Variants in AP4M1 observed in about 807,000 individuals in gnomAD.
AP4M1 encodes adaptor related protein complex 4 subunit mu 1.
AP4M1 carries 58 observed loss-of-function variants against 62.4 expected under a neutral mutation model. That is an observed-to-expected ratio of 0.93 (90% CI 0.75 to 1.16). The LOEUF is 1.16. AP4M1 is among the 50% of genes most tolerant of loss of function. The probability of loss-of-function intolerance (pLI) is 0.00; values close to 1 mark genes in which losing one functional copy is unlikely to be tolerated. For synonymous variants in AP4M1, 290 were observed against 239.7 expected, an observed-to-expected ratio of 1.21 and a Z score of -1.94; for missense variants, 626 against 585.4, an observed-to-expected ratio of 1.07 and a Z score of -0.72.
intron 11 of AP4M1, 83 bp downstream of exon 11, chr7:100,105,622 G>A (rs990666465): frequency 2.0e-5 from 27 of 1,370,950 alleles, no homozygotes; most frequent in Middle Eastern, 3.8e-4. Flanking sequence ...GCAGAGTGGG[G>A]GTGGTGGTAG....
At position 100,105,988 on chromosome 7, in the gene AP4M1, A is replaced by G; in HGVS notation, c.959A>G (p.Asp320Gly). Residue 320 changes from aspartate to glycine, a missense_variant, in exon 12 of 15, where the codon GAC becomes GGC. Asp to Gly is a moderately conservative substitution (Grantham distance 94, BLOSUM62 -1). Transcript: ENST00000359593. The stretch of plus-strand genomic sequence containing the variant: ...CAGGTTTATCTAAAGTTGCGATGTG[A>G]CCTGCTCTCAAAGAGGTAAGAGTGA... ...RLQVYLKLRC[D>G]LLSKSQALNV... 1 of 1,614,066 alleles carries G rather than the reference A, an allele frequency of 6.2e-7. No individual in the cohort carries two copies. Among genetic ancestry groups the G allele is most frequent in the African/African-American group, 1.3e-5 (1 of 75,008 alleles).
At chr7:100,101,998 C>A (rs1309266773) in intron 2 of AP4M1, 30 bp downstream of exon 2, 3 of 1,611,634 alleles carry the variant, frequency 1.9e-6, no homozygotes, top group South Asian at 1.1e-5. Context: ...GGGTGAGGAG[C>A]GGGGTCCCGT....
intron 7 of AP4M1, 36 bp downstream of exon 7, chr7:100,104,190 G>C: frequency 1.3e-6 from 2 of 1,589,508 alleles, no homozygotes; most frequent in Non-Finnish European, 1.7e-6. Flanking sequence ...GCTGAGGACA[G>C]ATGGGACTTG....
chr7:100,100,797 T>A, upstream of AP4M1: 2 of 994,988 alleles, frequency 2.0e-6, no homozygotes, highest in Non-Finnish European at 2.4e-6. Context: ...CGGCTCCACT[T>A]CCGCTCGGAG....
chr7:100,108,307 G>A lies in AP4M1; in HGVS notation c.*1425G>A. On this transcript the variant is annotated 3_prime_UTR_variant, in exon 15 of 15. Coordinates refer to ENST00000359593, the MANE Select transcript of AP4M1 (RefSeq NM_004722.4). ...CACATGTGGCTGTGTGCAAGTGCCT[G>A]TCCCACACAGGGGTTCTCCTCTGCT... is the stretch of plus-strand genomic sequence containing the variant. 2.0e-6 allele frequency: 3 copies of A among 1,537,194 alleles called. No individual in the cohort carries two copies. The highest frequency in any genetic ancestry group is 2.6e-6 in the Non-Finnish European group (3 of 1,143,618).
Position 100,106,233 on chromosome 7 carries a change from C to T in AP4M1, c.975-8C>T, listed in dbSNP as rs374419146. The T allele has an allele frequency of 1.4e-5, 22 of 1,614,028 alleles. No homozygotes were observed. The African/African-American group carries it at 2.9e-4, about 22-fold the overall frequency. ...CTGGGGCTGACTTTGTTCCCGTCTCCTCTGTAGCCAAGCCCTCAATGTCAG... is the reference window on the plus strand; with the variant it reads ...CTGGGGCTGACTTTGTTCCCGTCTCTTCTGTAGCCAAGCCCTCAATGTCAG... On this transcript the variant is annotated splice_polypyrimidine_tract_variant and splice_region_variant and intron_variant, in intron 12 of 14. Transcript: ENST00000359593.
rs769502788 is a variant in AP4M1 at position 100,105,263 on chromosome 7, G to C, written c.751G>C (p.Asp251His). Residue 251 changes from aspartate to histidine, a missense_variant, in exon 10 of 15, where the codon GAT (aspartate) becomes CAT (histidine). Coordinates refer to ENST00000359593, the MANE Select transcript of AP4M1 (RefSeq NM_004722.4). ...LRGYGPGIRV[D>H]EVSFHSSVNL... ...AGGTTATGGGCCAGGAATCCGGGTC[G>C]ATGAAGTCTCGTTTCACAGCTCTGT... 1 of 1,614,152 alleles carries C rather than the reference G, an allele frequency of 6.2e-7. No homozygotes were observed. The highest frequency in any genetic ancestry group is 8.5e-7 in the Non-Finnish European group (1 of 1,180,040).
chr7:100,106,792 C>G lies in AP4M1; in HGVS notation c.1272C>G (p.Leu424=). The G allele has an allele frequency of 6.2e-7, 1 of 1,614,098 alleles. No homozygotes were observed. The highest frequency in any genetic ancestry group is 8.5e-7 in the Non-Finnish European group (1 of 1,180,042). Residue 424 remains leucine (L), a synonymous_variant, in exon 15 of 15, where the codon CTC becomes CTG. Coordinates refer to ENST00000359593, the MANE Select transcript of AP4M1 (RefSeq NM_004722.4). ...HTCSGLQVRF[L]RLAFRPCGNA... is the part of the protein sequence containing the mutation. Reference sequence around the variant, plus strand: ...GCTCTGGCCTCCAGGTCCGATTCCTCAGGCTGGCCTTCAGGCCATGCGGCA... The same window carrying G: ...GCTCTGGCCTCCAGGTCCGATTCCTGAGGCTGGCCTTCAGGCCATGCGGCA...
upstream of AP4M1, chr7:100,101,328 G>A (rs200958394): frequency 6.9e-5 from 112 of 1,612,672 alleles, no homozygotes; most frequent in African/African-American, 1.2e-3. Context: ...CGCTTGGCGG[G>A]CTCAGAGGTC....
chr7:100,106,948 T>C lies in AP4M1; in HGVS notation c.*66T>C. 6.5e-7 allele frequency: 1 copy of C among 1,530,472 alleles called. No homozygotes were observed. The highest frequency in any genetic ancestry group is 8.8e-7 in the Non-Finnish European group (1 of 1,131,802). The allele number at this position is 1,530,472 out of a possible 1,614,324, so 94.8% of individuals were successfully genotyped here. ...GTCCCACGGGAGGACAGTCGTTTCT[T>C]TTCCAGCCTCCTGGCCTTCGGACTC... On this transcript the variant is annotated 3_prime_UTR_variant, in exon 15 of 15. Transcript: ENST00000359593.
chr7:100,101,311 G>C (rs11552037), upstream of AP4M1: 2 of 1,613,138 alleles, frequency 1.2e-6, no homozygotes, highest in Admixed American at 3.3e-5. Flanking sequence ...CGAGGGCCGT[G>C]CGGCCGCGCT....
upstream of AP4M1, chr7:100,100,832 G>A (rs1259781111): frequency 3.0e-6 from 3 of 1,005,084 alleles, no homozygotes; most frequent in African/African-American, 5.2e-5. Flanking sequence ...GCCAATCCCG[G>A]CGCGCAGCGG....
chr7:100,107,397 A>G lies in AP4M1; in HGVS notation c.*515A>G, dbSNP rs767797348. The G allele has an allele frequency of 6.2e-6, 10 of 1,600,198 alleles. No individual in the cohort carries two copies. In the Admixed American group the frequency reaches 1.7e-4, roughly 28 times the overall value. ...GGACGGGGACGATGCCGGGGGAGGA[A>G]CTGGAGAAGGATGGGAGGTGGGGCC... On this transcript the variant is annotated 3_prime_UTR_variant, in exon 15 of 15. Transcript: ENST00000359593.
At chr7:100,103,997 T>TG (rs1477598699) in intron 6 of AP4M1, 95 bp from the exon 7 acceptor site, 18 of 1,113,186 alleles carry the variant, frequency 1.6e-5, no homozygotes, top group African/African-American at 7.7e-5. Flanking sequence ...ACCCTAGAGC[T>TG]GTAGCTTTGA....
In AP4M1 at chr7:100,106,710, C is replaced by T. The variant is rs573143488; in HGVS notation, c.1190C>T (p.Ala397Val). 1.1e-5 allele frequency: 18 copies of T among 1,613,768 alleles called. No individual in the cohort carries two copies. The Admixed American group carries it at 2.8e-4, about 25-fold the overall frequency. Residue 397 changes from alanine (A) to valine (V), a missense_variant, in exon 15 of 15, where the codon GCC becomes GTC. Transcript: ENST00000359593. The part of the protein sequence containing the change: ...GPPSHGLSTS[A>V]SPLGLGPASL... ...CCCAGCCATGGGCTCTCCACCTCGG[C>T]CTCTCCTCTGGGGCTGGGCCCTGCC...
chr7:100,101,811 C>T lies in AP4M1; in HGVS notation c.58+39C>T. On this transcript the variant is annotated intron_variant, in intron 1 of 14. Coordinates refer to ENST00000359593, the MANE Select transcript of AP4M1 (RefSeq NM_004722.4). ...TTGGGGCTGGGAAGGGGCGGAGGGGCCGGGCGGGAGGGGCGCCCAGGGCCA... is the reference window on the plus strand; with the variant it reads ...TTGGGGCTGGGAAGGGGCGGAGGGGTCGGGCGGGAGGGGCGCCCAGGGCCA... 4 of 1,039,386 alleles carry T rather than the reference C, an allele frequency of 3.8e-6. No homozygotes were observed. In the African/African-American group the frequency reaches 6.9e-5, roughly 18 times the overall value. The allele number at this position is 1,039,386 out of a possible 1,614,324, so 64.4% of individuals were successfully genotyped here.
rs1336992477 is a variant in AP4M1 at position 100,102,754 on chromosome 7, C to T, written c.227C>T (p.Pro76Leu). Residue 76 changes from proline (P) to leucine (L), a missense_variant, in exon 3 of 15, where the codon CCC becomes CTC. Coordinates refer to ENST00000359593, the MANE Select transcript of AP4M1 (RefSeq NM_004722.4). The stretch of plus-strand genomic sequence containing the variant: ...GTCACAACTTCAGAAAACGTTTCTC[C>T]CTTCAGCCTCCTAGAACTGCTCTCC... ...LVVTTSENVS[P>L]FSLLELLSRL... is the part of the protein sequence containing the mutation. The T allele has an allele frequency of 6.2e-7, 1 of 1,614,134 alleles. No individual in the cohort carries two copies. The highest frequency in any genetic ancestry group is 1.7e-4 in the Middle Eastern group (1 of 6,060).
chr7:100,106,142 G>T (rs984502078), intron 12 of AP4M1, 99 bp from the exon 13 acceptor site: 3 of 1,548,892 alleles, frequency 1.9e-6, no homozygotes, highest in East Asian at 2.3e-5. Flanking sequence ...TTGGGAAGGT[G>T]GGGGGCACCT....
At chr7:100,105,017 G>A in intron 8 of AP4M1, 28 bp from the exon 9 acceptor site, 2 of 1,614,144 alleles carry the variant, frequency 1.2e-6, no homozygotes, top group Non-Finnish European at 8.5e-7. Flanking sequence ...GCATTGCTGA[G>A]CTCTCCTGAT....
Sources: gnomAD v4.1 joint callset for allele counts on GRCh38, gnomAD v4.1.1 for gene constraint, MANE v1.5 for transcripts, NCBI Gene and HGNC (gene_info 2026-07-23, HGNC 2026-07-21) for gene names.